The following PRKCA variants were observed in gnomAD, a reference collection of about 807,000 sequenced individuals.
PRKCA encodes protein kinase C alpha type.
Under a neutral mutation model 87.0 loss-of-function variants are expected in PRKCA, and 27 were observed. The ratio of observed to expected loss-of-function variants is 0.31; its 90% CI spans 0.23 to 0.43. The LOEUF is 0.43. Among genes scored for constraint, PRKCA ranks in the 20% least tolerant of loss-of-function variants. PRKCA has a pLI of 1.00. For missense variants in PRKCA, 518 were observed against 852.3 expected (o/e 0.61, Z 4.88); for synonymous variants, 329 against 311.1 (o/e 1.06, Z -0.61).
At chr17:66,641,717 CT>C (rs534954912) in intron 4 of PRKCA, among the ~76,000 whole-genome samples, 679 of 141,856 alleles carry the variant, frequency 4.8e-3, no homozygotes, top group Admixed American at 4.2e-3. Flanking sequence ...GGTGCTGTCA[CT>C]TTTTTTTTTT....
At chr17:66,737,686 G>A (rs1001640336) in intron 10 of PRKCA, among the ~76,000 whole-genome samples, 6 of 152,184 alleles carry the variant, frequency 3.9e-5, no homozygotes, top group East Asian at 1.9e-4. Context: ...TCAGCCTAGC[G>A]CTGGCGGCAC....
rs1293029455 is a variant in PRKCA, at chr17:66,569,889, C to A, written c.289-71466C>A. On this transcript the variant is annotated intron_variant, in intron 3 of 16. Coordinates refer to ENST00000413366, the MANE Select transcript of PRKCA (RefSeq NM_002737.3). Reference sequence around the variant, plus strand: ...TACACACTCCTGTCAGACAGCAATTCTTCTCGTAGGTGGATCCCCAAAAGA... The same window carrying A: ...TACACACTCCTGTCAGACAGCAATTATTCTCGTAGGTGGATCCCCAAAAGA... Among the ~76,000 whole-genome samples the A allele has an allele frequency of 2.6e-5, 4 of 152,226 alleles. No individual in the cohort carries two copies. The East Asian group carries it at 7.7e-4, about 29-fold the overall frequency.
intron 6 of PRKCA, 70 bp from the exon 7 acceptor site, chr17:66,688,232 A>T (rs1972683006): frequency 1.3e-6 from 2 of 1,574,324 alleles, no homozygotes; most frequent in African/African-American, 2.7e-5. Flanking sequence ...CTCGAGTCAT[A>T]TACATGTGGT....
At chr17:66,354,936 A>G (rs1027189438) in intron 2 of PRKCA, among the ~76,000 whole-genome samples, 2 of 152,124 alleles carry the variant, frequency 1.3e-5, no homozygotes, top group African/African-American at 4.8e-5. Flanking sequence ...GTTATTTTCT[A>G]CTTGTTTTCA....
chr17:66,330,032 C>T (rs890444303), intron 2 of PRKCA, among the ~76,000 whole-genome samples: 8 of 152,168 alleles, frequency 5.3e-5, no homozygotes, highest in Non-Finnish European at 8.8e-5. Context: ...CTTACTCAAC[C>T]CATTCCCTCT....
chr17:66,711,895 A>G (rs1438934000), intron 8 of PRKCA, among the ~76,000 whole-genome samples: 1 of 152,146 alleles, frequency 6.6e-6, no homozygotes, highest in African/African-American at 2.4e-5. Flanking sequence ...TTTGTGACCT[A>G]GAGATACTGG....
chr17:66,314,975 GTGTA>G (rs553304309), intron 2 of PRKCA, among the ~76,000 whole-genome samples: 159 of 151,808 alleles, frequency 1.0e-3, no homozygotes, highest in Non-Finnish European at 1.6e-3. Context: ...GTATATATGT[GTGTA>G]TGTATGTGTA....
At chr17:66,343,366 C>A (rs1907157712) in intron 2 of PRKCA, among the ~76,000 whole-genome samples, 1 of 152,152 alleles carries the variant, frequency 6.6e-6, no homozygotes, top group Non-Finnish European at 1.5e-5. Flanking sequence ...TATTCTGGGG[C>A]CATATCACTC....
At chr17:66,473,064 G>A (rs777022834) in intron 2 of PRKCA, among the ~76,000 whole-genome samples, 7 of 152,166 alleles carry the variant, frequency 4.6e-5, no homozygotes, top group Middle Eastern at 3.4e-3. Context: ...ATGCCCTGCA[G>A]CCACCTCTCC....
chr17:66,358,550 A>T (rs1416837902), intron 2 of PRKCA, among the ~76,000 whole-genome samples: 1 of 150,286 alleles, frequency 6.7e-6, no homozygotes, highest in Non-Finnish European at 1.5e-5. Context: ...CTAACATGAT[A>T]TTGAGAAGAA....
intron 2 of PRKCA, among the ~76,000 whole-genome samples, chr17:66,454,034 T>C (rs1165745519): frequency 1.3e-5 from 2 of 152,250 alleles, no homozygotes; most frequent in Non-Finnish European, 2.9e-5. Flanking sequence ...TATTTATGTC[T>C]GGCTTCTTTC....
At chr17:66,687,333 G>A in intron 6 of PRKCA, 66 bp downstream of exon 6, 1 of 1,515,092 alleles carries the variant, frequency 6.6e-7, no homozygotes, top group East Asian at 2.3e-5. Flanking sequence ...CTCATTATTT[G>A]AGGTAATGAA....
chr17:66,713,374 C>A lies in PRKCA; in HGVS notation c.919-19314C>A, dbSNP rs145401400. Among the ~76,000 whole-genome samples, 599 of 152,154 alleles carry A rather than the reference C, an allele frequency of 3.9e-3. 8 individuals carry two copies. The highest frequency in any genetic ancestry group is 0.012 in the African/African-American group (496 of 41,510). The stretch of plus-strand genomic sequence containing the variant: ...CTCATTGTGCTTTCTAAACCACTCC[C>A]GGGCCCCAGTTGGGAGACCCCGGTT... On this transcript the variant is annotated intron_variant, in intron 8 of 16. Coordinates refer to ENST00000413366, the MANE Select transcript of PRKCA (RefSeq NM_002737.3).
chr17:66,324,999 C>G (rs936132471), intron 2 of PRKCA, among the ~76,000 whole-genome samples: 6 of 152,192 alleles, frequency 3.9e-5, no homozygotes, highest in Non-Finnish European at 8.8e-5. Context: ...AAGAAAAATC[C>G]TTGGAAGCTC....
intron 2 of PRKCA, among the ~76,000 whole-genome samples, chr17:66,484,484 T>G (rs1403990119): frequency 6.6e-6 from 1 of 152,212 alleles, no homozygotes; most frequent in Non-Finnish European, 1.5e-5. Flanking sequence ...GGGGATTGTT[T>G]TTGACATATG....
At chr17:66,724,218 C>A (rs1444588808) in intron 8 of PRKCA, among the ~76,000 whole-genome samples, 2 of 151,950 alleles carry the variant, frequency 1.3e-5, no homozygotes, top group Admixed American at 6.6e-5. Context: ...ATGGTGTGAA[C>A]CCGGGAGGTG....
intron 5 of PRKCA, among the ~76,000 whole-genome samples, chr17:66,670,948 A>G (rs1466094467): frequency 2.0e-5 from 3 of 152,084 alleles, no homozygotes; most frequent in Non-Finnish European, 1.5e-5. Flanking sequence ...GCAATGCCTC[A>G]TGCCTGTAAT....
chr17:66,755,873 G>A (rs949749692), intron 13 of PRKCA, among the ~76,000 whole-genome samples: 2 of 152,042 alleles, frequency 1.3e-5, no homozygotes, highest in Non-Finnish European at 2.9e-5. Context: ...TAGAATTCTC[G>A]CCTCCCTAGA....
At chr17:66,650,959 G>C (rs1971576885) in intron 5 of PRKCA, among the ~76,000 whole-genome samples, 1 of 152,174 alleles carries the variant, frequency 6.6e-6, no homozygotes, top group East Asian at 1.9e-4. Flanking sequence ...CCTAGACCGT[G>C]TCACAGACTG....
Sources: gnomAD v4.1 joint callset for allele counts (sites outside exome capture counted in the v4.1 genomes callset) on GRCh38, gnomAD v4.1.1 for gene constraint, MANE v1.5 for transcripts, NCBI Gene and HGNC (gene_info 2026-07-23, HGNC 2026-07-21) for gene names.